The following CPED1 variants were observed in gnomAD, a reference collection of about 807,000 sequenced individuals.
CPED1 encodes the protein cadherin-like and PC-esterase domain-containing protein 1.
Under a neutral mutation model 128.2 loss-of-function variants are expected in CPED1, and 114 were observed. The ratio of observed to expected loss-of-function variants is 0.89; its 90% CI spans 0.76 to 1.04. The LOEUF (loss-of-function observed/expected upper bound fraction) is 1.04. CPED1 is among the 50% of genes least tolerant of loss of function. The pLI, the probability that CPED1 is intolerant of heterozygous loss-of-function variation, is 0.00. For synonymous variants in CPED1, 462 were observed against 426.7 expected (o/e 1.08, Z -1.02); for missense variants, 1,211 against 1,207.1 (o/e 1.00, Z -0.05).
At chr7:121,277,225 T>C (rs1315505511) in intron 22 of CPED1, among the ~76,000 whole-genome samples, 1 of 151,988 alleles carries the variant, frequency 6.6e-6, no homozygotes, top group African/African-American at 2.4e-5. Flanking sequence ...AAACTGGCAA[T>C]TGAGACAAAG....
At chr7:121,233,441 TG>T (rs1237030331) in intron 16 of CPED1, among the ~76,000 whole-genome samples, 4 of 152,074 alleles carry the variant, frequency 2.6e-5, no homozygotes, top group Non-Finnish European at 5.9e-5. Context: ...CCCAGCTACT[TG>T]GGAAACTGAG....
At chr7:121,261,798 A>G (rs1225734810) in intron 18 of CPED1, 4 of 1,459,334 alleles carry the variant, frequency 2.7e-6, no homozygotes, top group African/African-American at 2.9e-5. Context: ...GGTTTGACCT[A>G]TTCCAAGTTT....
intron 16 of CPED1, among the ~76,000 whole-genome samples, chr7:121,172,478 T>A (rs564876345): frequency 6.6e-6 from 1 of 152,062 alleles, no homozygotes; most frequent in Non-Finnish European, 1.5e-5. Flanking sequence ...GATTATAGAT[T>A]GCTGCTTTCT....
At chr7:121,280,742 T>G (rs969033171) in intron 22 of CPED1, among the ~76,000 whole-genome samples, 1 of 151,978 alleles carries the variant, frequency 6.6e-6, no homozygotes, top group Admixed American at 6.6e-5. Context: ...TGTCCTGAAG[T>G]GAAATTATGA....
At chr7:121,278,203 C>G (rs572097956) in intron 22 of CPED1, among the ~76,000 whole-genome samples, 1 of 152,118 alleles carries the variant, frequency 6.6e-6, no homozygotes, top group Non-Finnish European at 1.5e-5. Flanking sequence ...AAGACTTTGG[C>G]ATGTTTTTAA....
chr7:121,161,267 T>C (rs982602439), intron 16 of CPED1, among the ~76,000 whole-genome samples: 1 of 152,090 alleles, frequency 6.6e-6, no homozygotes, highest in Non-Finnish European at 1.5e-5. Flanking sequence ...ACTGACAAGC[T>C]CACTGGGGTT....
Position 121,093,821 on chromosome 7 carries a change from C to T in CPED1, c.617-3878C>T, listed in dbSNP as rs139686796. Among the ~76,000 whole-genome samples the T allele has an allele frequency of 1.2e-3, 187 of 152,168 alleles. 1 individual carries two copies. The highest frequency in any genetic ancestry group is 4.0e-3 in the African/African-American group (168 of 41,498). On this transcript the variant is annotated intron_variant, in intron 5 of 22. Coordinates refer to ENST00000310396, the MANE Select transcript of CPED1 (RefSeq NM_024913.5). Reference sequence around the variant, plus strand: ...GAGTGGTAAAAGCTTCCCATTTTGTCGGCCCTGGGGAGCTCCTCTACCCCT... The same window carrying T: ...GAGTGGTAAAAGCTTCCCATTTTGTTGGCCCTGGGGAGCTCCTCTACCCCT...
At chr7:121,001,830 T>C (rs1791868665) in intron 2 of CPED1, among the ~76,000 whole-genome samples, 1 of 152,132 alleles carries the variant, frequency 6.6e-6, no homozygotes, top group Non-Finnish European at 1.5e-5. Context: ...GAAATGCCTG[T>C]CACAGAGGTG....
rs761412653 is a variant in CPED1, at chr7:121,130,144, C to G, written c.1427C>G (p.Pro476Arg). ...TCTCAGCTCTTCCCATCTACTACTC[C>G]TGGGATTCAGTCACTGATGCATGAA... is the stretch of plus-strand genomic sequence containing the variant. ...QFQLLFPSTT[P>R]GIQSLMHEFY... Residue 476 changes from proline (P) to arginine (R), a missense_variant, in exon 12 of 23, where the codon CCT (proline) becomes CGT (arginine). Pro to Arg is a moderately radical substitution (Grantham distance 103, BLOSUM62 -2). Transcript: ENST00000310396. 3 of 1,612,366 alleles carry G rather than the reference C, an allele frequency of 1.9e-6. No homozygotes were observed. Among genetic ancestry groups the G allele is most frequent in the Non-Finnish European group, 2.5e-6 (3 of 1,178,876 alleles).
At chr7:121,242,429 T>A (rs540629634) in intron 17 of CPED1, among the ~76,000 whole-genome samples, 1 of 152,296 alleles carries the variant, frequency 6.6e-6, no homozygotes, top group South Asian at 2.1e-4. Flanking sequence ...TGGGAGGTAC[T>A]GAAAAATGTC....
intron 17 of CPED1, among the ~76,000 whole-genome samples, chr7:121,239,653 T>TAACA (rs1256144564): frequency 1.2e-4 from 19 of 152,334 alleles, no homozygotes; most frequent in African/African-American, 4.3e-4. Context: ...TTGTATTATA[T>TAACA]AACATTACAG....
At chr7:121,089,522 G>T (rs905365604) in intron 5 of CPED1, among the ~76,000 whole-genome samples, 2 of 152,128 alleles carry the variant, frequency 1.3e-5, no homozygotes, top group African/African-American at 2.4e-5. Flanking sequence ...CCTAGTGTTT[G>T]TGTGTTACAT....
At chr7:121,263,235 C>G (rs916829302) in intron 18 of CPED1, among the ~76,000 whole-genome samples, 2 of 152,010 alleles carry the variant, frequency 1.3e-5, no homozygotes, top group Non-Finnish European at 2.9e-5. Context: ...TCTTCCAGTC[C>G]TCCATACAGA....
At chr7:121,212,469 C>T (rs1359848800) in intron 16 of CPED1, among the ~76,000 whole-genome samples, 1 of 152,022 alleles carries the variant, frequency 6.6e-6, no homozygotes, top group African/African-American at 2.4e-5. Flanking sequence ...GCCTCCTATC[C>T]TCCTGGTGAA....
chr7:121,192,278 T>G (rs1797157055), intron 16 of CPED1, among the ~76,000 whole-genome samples: 1 of 152,140 alleles, frequency 6.6e-6, no homozygotes, highest in South Asian at 2.1e-4. Context: ...GCTACAAAAT[T>G]CAAAACTTTT....
intron 18 of CPED1, chr7:121,261,967 GA>G (rs1316321398): frequency 4.8e-6 from 2 of 412,964 alleles, no homozygotes; most frequent in East Asian, 1.1e-4. Context: ...GTTGAAATGT[GA>G]TCCCCAATGT....
chr7:121,132,531 T>C (rs181718508), intron 12 of CPED1, among the ~76,000 whole-genome samples: 2 of 152,236 alleles, frequency 1.3e-5, no homozygotes, highest in Non-Finnish European at 2.9e-5. Context: ...GTAATAGTTA[T>C]ATGTTTGTCC....
At chr7:121,166,788 A>G (rs1796535829) in intron 16 of CPED1, among the ~76,000 whole-genome samples, 1 of 152,220 alleles carries the variant, frequency 6.6e-6, no homozygotes, top group South Asian at 2.1e-4. Context: ...AGTTGCTACA[A>G]GAAATAAATG....
chr7:120,995,219 T>C (rs1383971856), intron 2 of CPED1, among the ~76,000 whole-genome samples: 1 of 152,144 alleles, frequency 6.6e-6, no homozygotes. Flanking sequence ...TTGCATTTGG[T>C]CATTTCTATT....
Sources: gnomAD v4.1 joint callset for allele counts (sites outside exome capture counted in the v4.1 genomes callset) on GRCh38, gnomAD v4.1.1 for gene constraint, MANE v1.5 for transcripts, NCBI Gene and HGNC (gene_info 2026-07-23, HGNC 2026-07-21) for gene names.